GP6: variants seen among roughly 807,000 people sequenced by gnomAD.
GP6 encodes platelet glycoprotein VI.
GP6 carries 45 observed loss-of-function variants against 37.3 expected under a neutral mutation model. The ratio of observed to expected loss-of-function variants is 1.21; its 90% CI spans 0.95 to 1.55. The LOEUF (loss-of-function observed/expected upper bound fraction) is 1.55. Among genes scored for constraint, GP6 ranks in the 40% most tolerant of loss-of-function variants. The pLI is 0.00. For synonymous variants in GP6, 340 were observed against 316.4 expected (o/e 1.07, Z -0.79); for missense variants, 813 against 760.2 (o/e 1.07, Z -0.82).
Position 55,032,871 on chromosome 19 carries a change from G to A in GP6, c.35-333C>T, listed in dbSNP as rs538795154. 2.1e-3 allele frequency: 856 copies of A among 408,622 alleles called. 81 individuals are homozygous for A. Among genetic ancestry groups the A allele is most frequent in the African/African-American group, 0.018 (788 of 43,052 alleles). 25.3% of individuals were successfully genotyped at this position (408,622 alleles called of 1,614,324 possible). A position where few individuals can be genotyped will look rare whatever the true frequency, so the allele number is the denominator to read the frequency against. ...TGTTCGTGTTAGACACGGTGGGCTC[G>A]TTCGTGTTAGACACGGTGGACTCGT... On this transcript the variant is annotated intron_variant, in intron 1 of 7. Transcript: ENST00000310373.
chr19:55,037,127 T>C (rs1174664392), intron 1 of GP6, among the ~76,000 whole-genome samples: 1 of 152,216 alleles, frequency 6.6e-6, no homozygotes, highest in Non-Finnish European at 1.5e-5. Context: ...ATCTTCTTCC[T>C]GCTTAGCCTT....
chr19:55,027,334 C>G (rs1382416898), intron 4 of GP6, among the ~76,000 whole-genome samples: 2 of 28,710 alleles, frequency 7.0e-5, no homozygotes, highest in African/African-American at 2.2e-4. Context: ...CCACTTCTTT[C>G]CCACCTATGG....
intron 1 of GP6, among the ~76,000 whole-genome samples, chr19:55,035,269 A>C (rs1360695162): frequency 6.6e-6 from 1 of 152,144 alleles, no homozygotes; most frequent in Non-Finnish European, 1.5e-5. Flanking sequence ...AGTGGTGGTT[A>C]CCGGGGCGGT....
rs4988870 is a variant in GP6 at position 55,027,342 on chromosome 19, T to C, written c.610+236A>G. Among the ~76,000 whole-genome samples, 5 of 25,868 alleles carry C rather than the reference T, an allele frequency of 1.9e-4. 1 individual carries two copies. Among genetic ancestry groups the C allele is most frequent in the African/African-American group, 6.1e-4 (5 of 8,202 alleles). 17.0% of individuals were successfully genotyped at this position (25,868 alleles called of 152,430 possible). ...TGCCCTCCCACTTCTTTCCCACCTA[T>C]GGCCGCGCCCCTACAGCCCAGGGCT... On this transcript the variant is annotated intron_variant, in intron 4 of 7. Coordinates refer to ENST00000310373, the MANE Select transcript of GP6 (RefSeq NM_001083899.2).
intron 4 of GP6, among the ~76,000 whole-genome samples, chr19:55,026,174 T>C (rs2074295376): frequency 6.6e-6 from 1 of 152,226 alleles, no homozygotes; most frequent in Admixed American, 6.5e-5. Flanking sequence ...AAACAGATTT[T>C]TCTACCAAAA....
chr19:55,023,757 A>T (rs1448821801), intron 5 of GP6, among the ~76,000 whole-genome samples: 2 of 152,206 alleles, frequency 1.3e-5, no homozygotes, highest in African/African-American at 4.8e-5. Flanking sequence ...CTCAGCAATC[A>T]AAAGGAACAC....
intron 1 of GP6, among the ~76,000 whole-genome samples, chr19:55,034,052 G>A (rs112336559): frequency 0.013 from 2,000 of 151,924 alleles, 48 homozygotes; most frequent in African/African-American, 0.046. Flanking sequence ...CACATATAGT[G>A]CATATATGTA....
At chr19:55,026,209 T>G (rs951170451) in intron 4 of GP6, among the ~76,000 whole-genome samples, 11 of 152,210 alleles carry the variant, frequency 7.2e-5, no homozygotes, top group African/African-American at 2.7e-4. Context: ...TTTGTTTGAT[T>G]TAATATGACA....
intron 6 of GP6, among the ~76,000 whole-genome samples, chr19:55,018,214 A>G (rs999617330): frequency 3.9e-5 from 6 of 152,214 alleles, no homozygotes; most frequent in African/African-American, 1.4e-4. Flanking sequence ...AGGACAGGCA[A>G]GGGGAAAGAG....
chr19:55,014,569 G>T lies in GP6; in HGVS notation c.1376C>A (p.Ala459Asp). The T allele has an allele frequency of 1.2e-6, 2 of 1,613,224 alleles. No individual in the cohort carries two copies. Among genetic ancestry groups the T allele is most frequent in the Non-Finnish European group, 1.7e-6 (2 of 1,179,284 alleles). ...GGATGGAACAGAGTCAACCCTGAGA[G>T]CTGGGAACCTTAGAGATCCGTCTGG... The change falls in exon 8 of 8, where the codon GCT becomes GAT. Residue 459 changes from alanine to aspartate, a missense_variant. By Grantham distance (126) the Ala-to-Asp change is moderately radical. Coordinates refer to ENST00000310373, the MANE Select transcript of GP6 (RefSeq NM_001083899.2).
intron 6 of GP6, among the ~76,000 whole-genome samples, chr19:55,016,339 A>G (rs995531513): frequency 6.7e-6 from 1 of 149,406 alleles, no homozygotes; most frequent in Non-Finnish European, 1.5e-5. Context: ...AATATAAAGC[A>G]CCGTGCTTGA....
rs141954150 is a variant in GP6 at position 55,017,821 on chromosome 19, A to G, written c.724+831T>C. On this transcript the variant is annotated intron_variant, in intron 6 of 7. Coordinates refer to ENST00000310373, the MANE Select transcript of GP6 (RefSeq NM_001083899.2). The stretch of plus-strand genomic sequence containing the variant: ...CGCGGTGGCTCATGCCTCCAATCCC[A>G]GCACTTTGGGAGGCCGAGACAGGTG... Among the ~76,000 whole-genome samples the G allele has an allele frequency of 7.5e-3, 1,135 of 152,230 alleles. 12 individuals are homozygous for G. Among genetic ancestry groups the G allele is most frequent in the African/African-American group, 0.026 (1,095 of 41,524 alleles).
chr19:55,027,887 T>C (rs763454042), intron 3 of GP6, 25 bp from the exon 4 acceptor site: 3 of 1,612,940 alleles, frequency 1.9e-6, no homozygotes, highest in Non-Finnish European at 1.7e-6. Context: ...AAGTCTGATG[T>C]TGAAGGCAGG....
intron 5 of GP6, among the ~76,000 whole-genome samples, chr19:55,022,506 C>T (rs2074121514): frequency 6.6e-6 from 1 of 152,122 alleles, no homozygotes; most frequent in Non-Finnish European, 1.5e-5. Context: ...AAGTTCTGGC[C>T]AGGATAATCA....
intron 3 of GP6, among the ~76,000 whole-genome samples, chr19:55,030,356 T>TC: frequency 8.5e-6 from 1 of 118,276 alleles, no homozygotes; most frequent in South Asian, 3.0e-4. Flanking sequence ...TCTCTTTTTT[T>TC]TTTTTTCCCA....
In GP6 at chr19:55,014,222, G is replaced by GC. The variant is rs766797825; in HGVS notation, c.1722dup (p.Leu575AlafsTer16). 5.0e-6 allele frequency: 4 copies of GC among 804,998 alleles called. No individual in the cohort carries two copies. Among genetic ancestry groups the GC allele is most frequent in the Non-Finnish European group, 4.3e-6 (2 of 464,292 alleles). 49.9% of individuals were successfully genotyped at this position (804,998 alleles called of 1,614,324 possible). On this transcript the variant is annotated frameshift_variant, in exon 8 of 8. Transcript: ENST00000310373. LOFTEE classifies it high-confidence loss of function. ...AGGCTCAAGCCATTCTCCCACCTCA[G>GC]CCCCCTGAGTTGCTGGGAGTATAGG... is the stretch of plus-strand genomic sequence containing the variant.
In GP6 at chr19:55,029,833, A is replaced by C. The variant is rs1414915861; in HGVS notation, c.326-1971T>G. ...TTTGAGTCTGACCCTGAAAGAAGTA[A>C]TGAGGCAGCCAGGCTGGTCCATTCT... On this transcript the variant is annotated intron_variant, in intron 3 of 7. Coordinates refer to ENST00000310373, the MANE Select transcript of GP6 (RefSeq NM_001083899.2). 3.1e-5 allele frequency among the ~76,000 whole-genome samples: 4 copies of C among 128,232 alleles called. No individual in the cohort carries two copies. In the East Asian group the frequency reaches 1.0e-3, roughly 32 times the overall value. The allele number at this position is 128,232 out of a possible 152,430, so 84.1% of individuals were successfully genotyped here.
At chr19:55,033,290 G>A (rs201094678) in intron 1 of GP6, among the ~76,000 whole-genome samples, 908 of 52,206 alleles carry the variant, frequency 0.017, 56 homozygotes, top group Non-Finnish European at 0.027. Context: ...TGTTAGACAC[G>A]GTGGACTCGT....
chr19:55,028,050 C>T (rs775280362), intron 3 of GP6, among the ~76,000 whole-genome samples, 188 bp from the exon 4 acceptor site: 17 of 152,200 alleles, frequency 1.1e-4, no homozygotes, highest in Non-Finnish European at 8.8e-5. Flanking sequence ...GCTGTGCTCA[C>T]GTCCTAGTGC....
Sources: gnomAD v4.1 joint callset for allele counts (sites outside exome capture counted in the v4.1 genomes callset) on GRCh38, gnomAD v4.1.1 for gene constraint, MANE v1.5 for transcripts, NCBI Gene and HGNC (gene_info 2026-07-23, HGNC 2026-07-21) for gene names.